Variants in SNRPN observed in about 807,000 individuals in gnomAD.
SNRPN encodes small nuclear ribonucleoprotein-associated protein N.
SNRPN carries 7 observed loss-of-function variants against 25.2 expected under a neutral mutation model. The ratio of observed to expected loss-of-function variants is 0.28; its 90% CI spans 0.16 to 0.52. SNRPN has a LOEUF of 0.52. Among genes scored for constraint, SNRPN ranks in the 20% least tolerant of loss-of-function variants. The probability of loss-of-function intolerance (pLI) is 0.96; values close to 1 mark genes in which losing one functional copy is unlikely to be tolerated. For synonymous variants in SNRPN, 124 were observed against 110.6 expected (o/e 1.12, Z -0.76); for missense variants, 196 against 322.5 (o/e 0.61, Z 3.00).
intron 1 of SNRPN, among the ~76,000 whole-genome samples, chr15:24,828,856 TAGAA>T (rs767767840): frequency 7.2e-5 from 11 of 151,982 alleles, no homozygotes; most frequent in Non-Finnish European, 1.5e-4. Context: ...TCTTTCCAGA[TAGAA>T]AGAATAGGTG....
intron 2 of SNRPN, among the ~76,000 whole-genome samples, chr15:24,905,592 A>G (rs895575101): frequency 1.3e-5 from 2 of 151,936 alleles, no homozygotes; most frequent in African/African-American, 4.8e-5. Flanking sequence ...CGTTTTGTTC[A>G]TTAAGAATCA....
In SNRPN at chr15:24,967,947, G is replaced by A. The variant is rs1024846547; in HGVS notation, c.-279G>A. On this transcript the variant is annotated 5_prime_UTR_variant, in exon 3 of 10. Transcript: ENST00000390687. ...CTTGTTGTAGGTGTCAGTTGTACCC[G>A]AGGCGTTCTCAGCAGCAGCAAGTAC... 7 of 1,613,706 alleles carry A rather than the reference G, an allele frequency of 4.3e-6. No homozygotes were observed. Among genetic ancestry groups the A allele is most frequent in the Admixed American group, 1.7e-5 (1 of 59,952 alleles).
At chr15:24,930,804 CAGG>C (rs570576873) in intron 3 of SNRPN, among the ~76,000 whole-genome samples, 105 of 151,144 alleles carry the variant, frequency 6.9e-4, no homozygotes, top group African/African-American at 2.4e-3. Flanking sequence ...GAGGCTGAGG[CAGG>C]AGAATTGCTT....
intron 1 of SNRPN, among the ~76,000 whole-genome samples, chr15:24,955,683 G>T (rs1596149070): frequency 6.7e-6 from 1 of 148,740 alleles, no homozygotes; most frequent in East Asian, 2.0e-4. Flanking sequence ...TGACAGTGGT[G>T]GGGGTTGTGT....
At chr15:24,923,921 ACATT>A (rs1219341125) in intron 3 of SNRPN, among the ~76,000 whole-genome samples, 1 of 13,024 alleles carries the variant, frequency 7.7e-5, no homozygotes, top group Non-Finnish European at 1.7e-4. Context: ...GTGTATATAA[ACATT>A]TTTTTTTTTT....
intron 2 of SNRPN, among the ~76,000 whole-genome samples, chr15:24,914,049 T>C (rs2059378022): frequency 6.6e-6 from 1 of 152,230 alleles, no homozygotes; most frequent in Non-Finnish European, 1.5e-5. Context: ...TAAAGTTTTC[T>C]TCAGTGGTTA....
intron 7 of SNRPN, among the ~76,000 whole-genome samples, chr15:24,977,335 T>C (rs1385745370): frequency 6.6e-6 from 1 of 152,114 alleles, no homozygotes; most frequent in Non-Finnish European, 1.5e-5. Flanking sequence ...TGTACTAAGA[T>C]TAGTTTTTAA....
At chr15:24,873,688 C>T (rs1389020150) in intron 1 of SNRPN, among the ~76,000 whole-genome samples, 82 of 152,116 alleles carry the variant, frequency 5.4e-4, no homozygotes, top group Non-Finnish European at 8.7e-4. Context: ...ACCTCGTGAT[C>T]CACCTGCCTC....
intron 2 of SNRPN, among the ~76,000 whole-genome samples, chr15:24,894,386 T>C (rs1017172036): frequency 9.2e-5 from 14 of 152,000 alleles, no homozygotes; most frequent in Non-Finnish European, 2.1e-4. Context: ...GCCTGGCTAA[T>C]TTTTTGTATT....
chr15:24,899,606 C>A (rs976502969), intron 2 of SNRPN, among the ~76,000 whole-genome samples: 1 of 152,208 alleles, frequency 6.6e-6, no homozygotes, highest in Admixed American at 6.5e-5. Flanking sequence ...CAACGCATGA[C>A]AGTCAGCAGC....
intron 1 of SNRPN, among the ~76,000 whole-genome samples, chr15:24,878,315 G>C (rs17784262): frequency 6.6e-6 from 1 of 152,106 alleles, no homozygotes; most frequent in Admixed American, 6.5e-5. Flanking sequence ...CACGCAGCCC[G>C]CAAGAAATGT....
At chr15:24,961,712 ATCC>A (rs2074852179) in intron 1 of SNRPN, among the ~76,000 whole-genome samples, 1 of 152,146 alleles carries the variant, frequency 6.6e-6, no homozygotes, top group African/African-American at 2.4e-5. Context: ...TGTCTACTGT[ATCC>A]TAAAAATATT....
At chr15:24,891,432 TAG>T (rs2057660818) in intron 2 of SNRPN, among the ~76,000 whole-genome samples, 1 of 151,778 alleles carries the variant, frequency 6.6e-6, no homozygotes, top group Non-Finnish European at 1.5e-5. Flanking sequence ...TTGGGCCCAG[TAG>T]AGTTTTTTTT....
intron 2 of SNRPN, chr15:24,909,428 A>G (rs2059068546): frequency 6.3e-7 from 1 of 1,593,286 alleles, no homozygotes. Flanking sequence ...AATGCTTTCC[A>G]CAATGTATTC....
At chr15:24,977,485 C>T (rs1361315490) in intron 7 of SNRPN, among the ~76,000 whole-genome samples, 3 of 152,034 alleles carry the variant, frequency 2.0e-5, no homozygotes, top group Non-Finnish European at 2.9e-5. Flanking sequence ...ACTAAAAATA[C>T]AAAAATCAGC....
chr15:24,955,868 G>A (rs974194353), intron 1 of SNRPN, among the ~76,000 whole-genome samples: 2 of 151,716 alleles, frequency 1.3e-5, no homozygotes, highest in African/African-American at 4.9e-5. Context: ...TGGGCATGGC[G>A]GCCGCGGGGC....
intron 3 of SNRPN, among the ~76,000 whole-genome samples, chr15:24,972,927 G>A (rs897003031): frequency 6.6e-6 from 1 of 152,052 alleles, no homozygotes; most frequent in African/African-American, 2.4e-5. Flanking sequence ...TTGCTCTGTT[G>A]CCCAGGCTGG....
chr15:24,920,452 C>G (rs1194187998), intron 3 of SNRPN: 2 of 152,072 alleles, frequency 1.3e-5, no homozygotes, highest in African/African-American at 2.4e-5. Flanking sequence ...CAAGCTCCAT[C>G]CCAGGGTTTC....
chr15:24,919,727 A>G (rs1003650751), intron 2 of SNRPN, among the ~76,000 whole-genome samples: 9 of 152,170 alleles, frequency 5.9e-5, no homozygotes, highest in Admixed American at 3.9e-4. Context: ...CTGGTAAGAT[A>G]TTAAGGGTGA....
Sources: gnomAD v4.1 joint callset for allele counts (sites outside exome capture counted in the v4.1 genomes callset) on GRCh38, gnomAD v4.1.1 for gene constraint, MANE v1.5 for transcripts, NCBI Gene and HGNC (gene_info 2026-07-23, HGNC 2026-07-21) for gene names.